The following APC2 variants were observed in gnomAD, a reference collection of about 807,000 sequenced individuals.
APC2 encodes adenomatous polyposis coli protein 2.
In APC2, 41 loss-of-function variants were observed where a neutral mutation model predicts 72.5. That is an observed-to-expected ratio of 0.57 (90% CI 0.44 to 0.73). The LOEUF (loss-of-function observed/expected upper bound fraction) is 0.73. Ranked by LOEUF, APC2 falls within the 30% of genes least tolerant of loss-of-function variation. The pLI is 0.00. For synonymous variants in APC2, 1,898 were observed against 1,612.0 expected (o/e 1.18, Z -4.25); for missense variants, 3,729 against 3,403.4 (o/e 1.10, Z -2.38).
In APC2 at chr19:1,465,652, C is replaced by T. The variant is rs776284178; in HGVS notation, c.2351C>T (p.Pro784Leu). 5 of 1,602,664 alleles carry T rather than the reference C, an allele frequency of 3.1e-6. No homozygotes were observed. The highest frequency in any genetic ancestry group is 4.3e-6 in the Non-Finnish European group (5 of 1,175,738). The change falls in exon 15 of 15, where the codon CCG becomes CTG. Residue 784 changes from proline (P) to leucine (L), a missense_variant. Transcript: ENST00000590469. ...DSGCFDDDDA[P>L]SSLAAAAATG... The stretch of plus-strand genomic sequence containing the variant: ...GGCTGCTTTGACGACGACGATGCAC[C>T]GTCATCCCTGGCTGCGGCCGCGGCC...
chr19:1,464,101 G>A (rs145458882), intron 14 of APC2, among the ~76,000 whole-genome samples: 2,982 of 152,154 alleles, frequency 0.02, 94 homozygotes, highest in African/African-American at 0.069. Context: ...CTGAGGTCAG[G>A]AGTTTGAGAC....
At position 1,466,646 on chromosome 19, in the gene APC2, G is replaced by A. The variant is rs2084021465; in HGVS notation, c.3345G>A (p.Arg1115=). 1 of 1,494,424 alleles carries A rather than the reference G, an allele frequency of 6.7e-7. No individual in the cohort carries two copies. Among genetic ancestry groups the A allele is most frequent in the Non-Finnish European group, 8.9e-7 (1 of 1,123,180 alleles). 92.6% of individuals were successfully genotyped at this position (1,494,424 alleles called of 1,614,324 possible). A position where few individuals can be genotyped will look rare whatever the true frequency, so the allele number is the denominator to read the frequency against. The part of the protein sequence containing the change: ...PSEAELDSTW[R]APGATSLPVA... ...AGGCTGAGCTGGACAGCACGTGGCG[G>A]GCGCCCGGGGCCACCTCGCTGCCCG... The change falls in exon 15 of 15, where the codon CGG becomes CGA. Residue 1115 remains arginine (R), a synonymous_variant. Transcript: ENST00000590469.
At chr19:1,456,006 C>A (rs1326600757) in intron 6 of APC2, 70 bp from the exon 7 acceptor site, 36 of 1,442,482 alleles carry the variant, frequency 2.5e-5, no homozygotes, top group Non-Finnish European at 3.2e-5. Context: ...GGGGTCATCC[C>A]AGGGAGAGGC....
chr19:1,457,367 C>T (rs1400484520), intron 9 of APC2, 124 bp downstream of exon 9: 12 of 1,363,988 alleles, frequency 8.8e-6, no homozygotes, highest in Admixed American at 3.2e-5. Context: ...GCTGCAGTAC[C>T]AGGCTCCGGC....
rs1485908865 is a variant in APC2 at position 1,467,752 on chromosome 19, C to A, written c.4451C>A (p.Pro1484His). The change falls in exon 15 of 15, where the codon CCC becomes CAC. Residue 1484 changes from proline (P) to histidine (H), a missense_variant. By Grantham distance (77) the Pro-to-His change is moderately conservative (BLOSUM62 -2). Transcript: ENST00000590469. ...CCCGCAGACAAGGACGGCTCAAAGC[C>A]CGGCCGGACCCGCGGGGACGGGGCG... ...SAPADKDGSK[P>H]GRTRGDGALQ... is the part of the protein sequence containing the mutation. 1 of 1,432,942 alleles carries A rather than the reference C, an allele frequency of 7.0e-7. No homozygotes were observed. Among genetic ancestry groups the A allele is most frequent in the Non-Finnish European group, 9.1e-7 (1 of 1,099,642 alleles). 88.8% of individuals were successfully genotyped at this position (1,432,942 alleles called of 1,614,324 possible).
chr19:1,464,993 G>A (rs988578994), intron 14 of APC2, among the ~76,000 whole-genome samples, 162 bp from the exon 15 acceptor site: 2 of 149,998 alleles, frequency 1.3e-5, no homozygotes, highest in African/African-American at 5.0e-5. Flanking sequence ...TTTAGTCTCT[G>A]TCATGCAATC....
Position 1,466,880 on chromosome 19 carries a change from C to G in APC2, c.3579C>G (p.Ile1193Met). 1 of 1,569,478 alleles carries G rather than the reference C, an allele frequency of 6.4e-7. No individual in the cohort carries two copies. ...GCAGCGGGCAGGGCAGCGGCACCATCAGCCCTAGCGAGCTGCCCGACAGCC... is the reference window on the plus strand; with the variant it reads ...GCAGCGGGCAGGGCAGCGGCACCATGAGCCCTAGCGAGCTGCCCGACAGCC... ...EPCSGQGSGT[I>M]SPSELPDSPG... Residue 1193 changes from isoleucine to methionine, a missense_variant, in exon 15 of 15, where the codon ATC becomes ATG. Physicochemically the swap from Ile to Met is conservative, Grantham distance 10 (BLOSUM62 1). Transcript: ENST00000590469.
In APC2 at chr19:1,470,065, G is replaced by T; in HGVS notation, c.6764G>T (p.Gly2255Val). The change falls in exon 15 of 15, where the codon GGC becomes GTC. Residue 2255 changes from glycine to valine, a missense_variant. By Grantham distance (109) the Gly-to-Val change is moderately radical. Coordinates refer to ENST00000590469, the MANE Select transcript of APC2 (RefSeq NM_005883.3). ...GAGGGCCTGGGGGTCGCCGTGGGGGGCTTCCCCGCCAGCCGGCACGGCTCC... is the reference window on the plus strand; with the variant it reads ...GAGGGCCTGGGGGTCGCCGTGGGGGTCTTCCCCGCCAGCCGGCACGGCTCC... ...VHEGLGVAVG[G>V]FPASRHGSPS... 2 of 1,590,182 alleles carry T rather than the reference G, an allele frequency of 1.3e-6. No individual in the cohort carries two copies.
At position 1,469,512 on chromosome 19, in the gene APC2, C is replaced by G; in HGVS notation, c.6211C>G (p.Arg2071Gly). 1.8e-6 allele frequency: 2 copies of G among 1,136,900 alleles called. No homozygotes were observed. The highest frequency in any genetic ancestry group is 2.2e-6 in the Non-Finnish European group (2 of 924,498). The allele number at this position is 1,136,900 out of a possible 1,614,324, so 70.4% of individuals were successfully genotyped here. A position where few individuals can be genotyped will look rare whatever the true frequency, so the allele number is the denominator to read the frequency against. ...CGCGGCCCGACCCAGCCCTGGCGAG[C>G]GCCCTGCCCGGCGCACCACCTCCGA... ...PPAARPSPGE[R>G]PARRTTSESP... Residue 2071 changes from arginine to glycine, a missense_variant, in exon 15 of 15, where the codon CGC becomes GGC. By Grantham distance (125) the Arg-to-Gly change is moderately radical (BLOSUM62 -2). Coordinates refer to ENST00000590469, the MANE Select transcript of APC2 (RefSeq NM_005883.3).
Position 1,461,049 on chromosome 19 carries a change from A to G in APC2, c.1534A>G (p.Ile512Val), listed in dbSNP as rs778930760. The G allele has an allele frequency of 2.5e-5, 40 of 1,613,812 alleles. No individual in the cohort carries two copies. The highest frequency in any genetic ancestry group is 3.3e-5 in the Non-Finnish European group (39 of 1,180,024). The change falls in exon 13 of 15, where the codon ATC (isoleucine) becomes GTC (valine). Residue 512 changes from isoleucine to valine, a missense_variant. Coordinates refer to ENST00000590469, the MANE Select transcript of APC2 (RefSeq NM_005883.3). ...TCACCCCACCCAGGTGGTGTCCAGC[A>G]TCCTTCGGAACTTGTCCTGGAGGGC... ...SEELHQVVSS[I>V]LRNLSWRADI...
In APC2 at chr19:1,468,523, C is replaced by G. The variant is rs765291183; in HGVS notation, c.5222C>G (p.Ala1741Gly). 1.9e-6 allele frequency: 3 copies of G among 1,602,428 alleles called. No homozygotes were observed. Among genetic ancestry groups the G allele is most frequent in the Non-Finnish European group, 2.6e-6 (3 of 1,173,940 alleles). The change falls in exon 15 of 15, where the codon GCG becomes GGG. Residue 1741 changes from alanine (A) to glycine (G), a missense_variant. By Grantham distance (60) the Ala-to-Gly change is moderately conservative (BLOSUM62 0). Coordinates refer to ENST00000590469, the MANE Select transcript of APC2 (RefSeq NM_005883.3). ...QPPKHRKGRQ[A>G]EGEMGSARRP... ...CCCAAGCACAGGAAGGGACGACAGG[C>G]GGAGGGAGAAATGGGCAGTGCCCGG...
Position 1,466,054 on chromosome 19 carries a change from C to G in APC2, c.2753C>G (p.Ala918Gly). The G allele has an allele frequency of 6.6e-7, 1 of 1,503,898 alleles. No homozygotes were observed. 93.2% of individuals were successfully genotyped at this position (1,503,898 alleles called of 1,614,324 possible). ...CACCCGCTGCTGCGGCTCAAGGCGG[C>G]CCACGCCAGCCTCTCCAACGACAGC... ...RAHPLLRLKA[A>G]HASLSNDSLN... Residue 918 changes from alanine to glycine, a missense_variant, in exon 15 of 15, where the codon GCC becomes GGC. By Grantham distance (60) the Ala-to-Gly change is moderately conservative. Coordinates refer to ENST00000590469, the MANE Select transcript of APC2 (RefSeq NM_005883.3).
At chr19:1,461,800 C>T (rs1251678711) in intron 13 of APC2, 163 bp from the exon 14 acceptor site, 24 of 617,238 alleles carry the variant, frequency 3.9e-5, no homozygotes, top group Non-Finnish European at 5.6e-5. Flanking sequence ...TGCAGTGAGT[C>T]GAGATCTCGC....
chr19:1,451,131 G>A (rs1779872208), intron 1 of APC2, among the ~76,000 whole-genome samples: 1 of 152,218 alleles, frequency 6.6e-6, no homozygotes, highest in Admixed American at 6.5e-5. Flanking sequence ...CTCACAGAGG[G>A]GTGTCAGGAG....
Position 1,465,391 on chromosome 19 carries a change from A to G in APC2, c.2090A>G (p.His697Arg). Reference protein sequence around the residue: ...SAAALRNLLAHRPAKHQAAAT... With the variant: ...SAAALRNLLARRPAKHQAAAT... ...GCCGCCCTGCGCAACCTGCTGGCCC[A>G]TCGGCCCGCCAAGCACCAGGCGGCC... The change falls in exon 15 of 15, where the codon CAT (histidine) becomes CGT (arginine). Residue 697 changes from histidine to arginine, a missense_variant. By Grantham distance (29) the His-to-Arg change is conservative. Coordinates refer to ENST00000590469, the MANE Select transcript of APC2 (RefSeq NM_005883.3). 1 of 1,569,132 alleles carries G rather than the reference A, an allele frequency of 6.4e-7. No homozygotes were observed. The highest frequency in any genetic ancestry group is 1.1e-5 in the South Asian group (1 of 87,694).
In APC2 at chr19:1,453,133, G is replaced by A. The variant is rs528977199; in HGVS notation, c.132G>A (p.Ser44=). ...TGTCCAAGCTGGAGACAGAGACGTC[G>A]GGCATGAAGGTGGGGGCCTACATGG... ...SHLSKLETET[S]GMKEVLKHLQ... The change falls in exon 2 of 15, where the codon TCG becomes TCA. Residue 44 remains serine (S), a synonymous_variant. Transcript: ENST00000590469. 24 of 1,602,236 alleles carry A rather than the reference G, an allele frequency of 1.5e-5. No homozygotes were observed. In the African/African-American group the frequency reaches 2.8e-4, roughly 19 times the overall value.
rs1295561460 is a variant in APC2, at chr19:1,469,234, C to G, written c.5933C>G (p.Ala1978Gly). 4 of 1,423,704 alleles carry G rather than the reference C, an allele frequency of 2.8e-6. No individual in the cohort carries two copies. The Admixed American group carries it at 1.0e-4, about 35-fold the overall frequency. The allele number at this position is 1,423,704 out of a possible 1,614,324, so 88.2% of individuals were successfully genotyped here. The stretch of plus-strand genomic sequence containing the variant: ...CTGGGCCTGGTGCGTGTGGCCTCAG[C>G]CCTCTCCAGCGGCAGCGAGTCCTCC... Reference protein sequence around the residue: ...GRLGLVRVASALSSGSESSDR... With the variant: ...GRLGLVRVASGLSSGSESSDR... Residue 1978 changes from alanine (A) to glycine (G), a missense_variant, in exon 15 of 15, where the codon GCC becomes GGC. Physicochemically the swap from Ala to Gly is moderately conservative, Grantham distance 60. Transcript: ENST00000590469.
rs749576236 is a variant in APC2 at position 1,466,002 on chromosome 19, G to A, written c.2701G>A (p.Gly901Arg). ...SCSPCRGPEGGRREAGSRAHP... is the reference protein window; with the variant it reads ...SCSPCRGPEGRRREAGSRAHP... Reference sequence around the variant, plus strand: ...CTCGCCATGCCGCGGCCCGGAGGGCGGGCGGCGAGAGGCAGGAAGCCGGGC... The same window carrying A: ...CTCGCCATGCCGCGGCCCGGAGGGCAGGCGGCGAGAGGCAGGAAGCCGGGC... The change falls in exon 15 of 15, where the codon GGG (glycine) becomes AGG (arginine). Residue 901 changes from glycine to arginine, a missense_variant. Gly to Arg is a moderately radical substitution (Grantham distance 125). Transcript: ENST00000590469. 5 of 1,504,548 alleles carry A rather than the reference G, an allele frequency of 3.3e-6. No individual in the cohort carries two copies. The highest frequency in any genetic ancestry group is 4.8e-5 in the Admixed American group (2 of 41,908). The allele number at this position is 1,504,548 out of a possible 1,614,324, so 93.2% of individuals were successfully genotyped here.
chr19:1,457,031 C>A lies in APC2; in HGVS notation c.995C>A (p.Ala332Asp). The A allele has an allele frequency of 6.5e-7, 1 of 1,527,768 alleles. No homozygotes were observed. The highest frequency in any genetic ancestry group is 8.7e-7 in the Non-Finnish European group (1 of 1,143,868). The allele number at this position is 1,527,768 out of a possible 1,614,324, so 94.6% of individuals were successfully genotyped here. Residue 332 changes from alanine to aspartate, a missense_variant, in exon 9 of 15, where the codon GCC (alanine) becomes GAC (aspartate). Transcript: ENST00000590469. Reference sequence around the variant, plus strand: ...ACCGAGGCCGCGGCCGGGGGTCGCGCCGGGGCCCCAGGGGCACCGGGCGCC... The same window carrying A: ...ACCGAGGCCGCGGCCGGGGGTCGCGACGGGGCCCCAGGGGCACCGGGCGCC... Reference protein sequence around the residue: ...HGTEAAAGGRAGAPGAPGAKD... With the variant: ...HGTEAAAGGRDGAPGAPGAKD...
Sources: allele counts gnomAD v4.1 joint callset (sites outside exome capture counted in the v4.1 genomes callset), GRCh38; gene constraint gnomAD v4.1.1; transcripts MANE v1.5; gene names NCBI Gene and HGNC (gene_info 2026-07-23, HGNC 2026-07-21).